Variants in CACNA2D3 observed in about 807,000 individuals in gnomAD.
CACNA2D3 encodes the protein calcium voltage-gated channel auxiliary subunit alpha2delta 3, also known as voltage-dependent calcium channel subunit alpha-2/delta-3.
In CACNA2D3, 60 loss-of-function variants were observed where a neutral mutation model predicts 160.6. The observed-to-expected ratio is 0.37, with a 90% confidence interval of 0.30 to 0.46. CACNA2D3 has a LOEUF of 0.46. Ranked by LOEUF, CACNA2D3 falls within the 20% of genes least tolerant of loss-of-function variation. The probability of loss-of-function intolerance (pLI) is 1.00; values close to 1 mark genes in which losing one functional copy is unlikely to be tolerated. For synonymous variants in CACNA2D3, 558 were observed against 492.9 expected, an observed-to-expected ratio of 1.13 and a Z score of -1.75; for missense variants, 1,205 against 1,365.0, an observed-to-expected ratio of 0.88 and a Z score of 1.85.
chr3:54,659,671 A>G (rs1049270139), intron 11 of CACNA2D3, among the ~76,000 whole-genome samples: 3 of 152,196 alleles, frequency 2.0e-5, no homozygotes, highest in Non-Finnish European at 4.4e-5. Flanking sequence ...TGCCACGGGG[A>G]CAGAGAGAGT....
intron 14 of CACNA2D3, among the ~76,000 whole-genome samples, chr3:54,836,391 C>A (rs1024154900): frequency 1.3e-5 from 2 of 151,874 alleles, no homozygotes; most frequent in Non-Finnish European, 2.9e-5. Context: ...CCTGCCACCA[C>A]ACCTGGCTAA....
At chr3:54,359,994 A>G (rs541702165) in intron 3 of CACNA2D3, among the ~76,000 whole-genome samples, 1 of 152,344 alleles carries the variant, frequency 6.6e-6, no homozygotes, top group Admixed American at 6.5e-5. Context: ...TAAGAATAAA[A>G]GGCAATGACA....
At chr3:54,642,948 C>T (rs1453688806) in intron 11 of CACNA2D3, among the ~76,000 whole-genome samples, 1 of 152,076 alleles carries the variant, frequency 6.6e-6, no homozygotes, top group Non-Finnish European at 1.5e-5. Flanking sequence ...GGATGTGGTT[C>T]AGTAATCCAT....
intron 3 of CACNA2D3, among the ~76,000 whole-genome samples, chr3:54,335,230 G>A (rs771469794): frequency 6.6e-5 from 10 of 152,184 alleles, no homozygotes; most frequent in Non-Finnish European, 1.3e-4. Flanking sequence ...GACCCCAAGA[G>A]AGGGTTCTTA....
At chr3:54,316,085 G>C (rs893797077) in intron 2 of CACNA2D3, among the ~76,000 whole-genome samples, 1 of 151,966 alleles carries the variant, frequency 6.6e-6, no homozygotes, top group Non-Finnish European at 1.5e-5. Context: ...GGGTGTGTGT[G>C]TGTGTGTGTG....
chr3:54,914,203 T>C (rs367682728), intron 27 of CACNA2D3, among the ~76,000 whole-genome samples: 20 of 152,166 alleles, frequency 1.3e-4, no homozygotes, highest in African/African-American at 4.8e-4. Flanking sequence ...GACATGGAAC[T>C]ATATCAGAGT....
intron 4 of CACNA2D3, among the ~76,000 whole-genome samples, chr3:54,433,547 G>A (rs1022706665): frequency 2.0e-5 from 3 of 152,164 alleles, no homozygotes; most frequent in Admixed American, 1.3e-4. Context: ...TCCAGCAAAG[G>A]AGTATCTCCA....
At chr3:54,765,429 C>T (rs914340133) in intron 13 of CACNA2D3, among the ~76,000 whole-genome samples, 2 of 152,162 alleles carry the variant, frequency 1.3e-5, no homozygotes, top group African/African-American at 2.4e-5. Context: ...AAGGCTTCTC[C>T]GATGCTAGGG....
At chr3:54,350,938 A>G (rs1281453307) in intron 3 of CACNA2D3, among the ~76,000 whole-genome samples, 1 of 140,336 alleles carries the variant, frequency 7.1e-6, no homozygotes, top group Non-Finnish European at 1.5e-5. Context: ...AGATGTTTCC[A>G]TACTGCTTGG....
At chr3:54,307,779 G>C (rs532249410) in intron 2 of CACNA2D3, among the ~76,000 whole-genome samples, 30 of 152,314 alleles carry the variant, frequency 2.0e-4, no homozygotes, top group African/African-American at 5.8e-4. Context: ...TTCATTGATG[G>C]CCTTCGATTT....
intron 9 of CACNA2D3, among the ~76,000 whole-genome samples, chr3:54,589,708 A>G (rs1018714447): frequency 1.3e-5 from 2 of 152,226 alleles, no homozygotes; most frequent in Non-Finnish European, 2.9e-5. Flanking sequence ...AAACTCAACA[A>G]TAAACACAAT....
At chr3:54,559,639 A>G (rs935033098) in intron 5 of CACNA2D3, among the ~76,000 whole-genome samples, 1 of 152,178 alleles carries the variant, frequency 6.6e-6, no homozygotes, top group Admixed American at 6.5e-5. Context: ...GGTTTGTTAT[A>G]TAGACACACT....
intron 2 of CACNA2D3, among the ~76,000 whole-genome samples, chr3:54,173,582 AAC>A (rs1700613860): frequency 6.6e-6 from 1 of 152,222 alleles, no homozygotes; most frequent in African/African-American, 2.4e-5. Flanking sequence ...TGGAAACGGA[AAC>A]AGTCTCCCCA....
chr3:54,895,453 CAAA>C lies in CACNA2D3; in HGVS notation c.2247-1294_2247-1292del, dbSNP rs543365998. ...CCTCGAAGGGCATGGGCCTCCTCTC[CAAA>C]AGTGGGCACTCCATCTTTGGTAGAG... On this transcript the variant is annotated intron_variant, in intron 25 of 37. Transcript: ENST00000474759. 7.9e-5 allele frequency among the ~76,000 whole-genome samples: 12 copies of C among 152,234 alleles called. No individual in the cohort carries two copies. In the South Asian group the frequency reaches 2.5e-3, roughly 32 times the overall value.
intron 35 of CACNA2D3, among the ~76,000 whole-genome samples, chr3:55,057,873 T>G (rs1423799273): frequency 6.6e-6 from 1 of 152,190 alleles, no homozygotes; most frequent in African/African-American, 2.4e-5. Flanking sequence ...CTATTTAGAA[T>G]ACAAAATGCT....
At chr3:54,149,932 C>CTCTCTCTCTCTCTCCCTCCCTCT in intron 2 of CACNA2D3, among the ~76,000 whole-genome samples, 1 of 23,814 alleles carries the variant, frequency 4.2e-5, no homozygotes, top group Non-Finnish European at 8.2e-5. Context: ...TCTCTCTCTC[C>CTCTCTCTCTCTCTCCCTCCCTCT]CTCCCTCCCT....
chr3:55,053,111 C>G (rs999937629), intron 35 of CACNA2D3, among the ~76,000 whole-genome samples: 2 of 152,044 alleles, frequency 1.3e-5, no homozygotes, highest in African/African-American at 4.8e-5. Flanking sequence ...TCCATTACCT[C>G]TAAAAATTTG....
chr3:54,773,845 A>C (rs1575468994), intron 13 of CACNA2D3, among the ~76,000 whole-genome samples: 1 of 152,224 alleles, frequency 6.6e-6, no homozygotes, highest in African/African-American at 2.4e-5. Context: ...TATCTTCAGA[A>C]AAGATGTCCT....
At chr3:54,780,629 T>C (rs1488593055) in intron 13 of CACNA2D3, among the ~76,000 whole-genome samples, 1 of 152,196 alleles carries the variant, frequency 6.6e-6, no homozygotes, top group East Asian at 1.9e-4. Context: ...CTTCATCAGA[T>C]TGTAAATGCT....
Sources: allele counts gnomAD v4.1 joint callset (sites outside exome capture counted in the v4.1 genomes callset), GRCh38; gene constraint gnomAD v4.1.1; transcripts MANE v1.5; gene names NCBI Gene and HGNC (gene_info 2026-07-23, HGNC 2026-07-21).